The following VWA3A variants were observed in gnomAD, a reference collection of about 807,000 sequenced individuals.
The protein encoded by VWA3A is von Willebrand factor A domain-containing protein 3A.
In VWA3A, 134 loss-of-function variants were observed where a neutral mutation model predicts 160.4. That is an observed-to-expected ratio of 0.84 (90% CI 0.73 to 0.96). The LOEUF is 0.96. Among genes scored for constraint, VWA3A ranks in the 40% least tolerant of loss-of-function variants. VWA3A has a pLI of 0.00. For synonymous variants in VWA3A, 476 were observed against 543.4 expected (o/e 0.88, Z 1.72); for missense variants, 1,310 against 1,447.9 (o/e 0.90, Z 1.55).
chr16:22,142,846 G>T (rs1240832394), intron 25 of VWA3A, 81 bp downstream of exon 25: 26 of 1,097,242 alleles, frequency 2.4e-5, no homozygotes, highest in African/African-American at 3.1e-5. Context: ...TAGGATGGGG[G>T]GGCATAATCA....
At chr16:22,139,782 C>G (rs1454050203) in intron 22 of VWA3A, among the ~76,000 whole-genome samples, 1 of 152,134 alleles carries the variant, frequency 6.6e-6, no homozygotes, top group Non-Finnish European at 1.5e-5. Context: ...GCTGGAGGCC[C>G]AGACATCCCA....
At position 22,131,540 on chromosome 16, in the gene VWA3A, G is replaced by C. The variant is rs201944236; in HGVS notation, c.1728-45G>C. 363 of 1,601,710 alleles carry C rather than the reference G, an allele frequency of 2.3e-4. 5 individuals carry two copies. In the Middle Eastern group the frequency reaches 8.0e-3, roughly 35 times the overall value. On this transcript the variant is annotated intron_variant, in intron 18 of 33. Transcript: ENST00000389398. ...AGCTACTCCCAAAAGGTATGCCCTG[G>C]GCATGGGCCAATGACCCTCAGCATG...
chr16:22,124,632 G>A (rs549445572), intron 16 of VWA3A, among the ~76,000 whole-genome samples: 19 of 150,768 alleles, frequency 1.3e-4, no homozygotes, highest in African/African-American at 1.7e-4. Flanking sequence ...GGCCTCAAGC[G>A]ATTCTGCTGC....
rs1314794514 is a variant in VWA3A at position 22,142,649 on chromosome 16, C to T, written c.2495-19C>T. The T allele has an allele frequency of 4.5e-6, 7 of 1,543,864 alleles. No homozygotes were observed. The highest frequency in any genetic ancestry group is 6.1e-6 in the Non-Finnish European group (7 of 1,138,776). ...CAACCATCCAAACTATAGCAATGAC[C>T]TCACTCTGCTTCTTCTAGGCTCAGT... On this transcript the variant is annotated intron_variant, in intron 24 of 33. Transcript: ENST00000389398.
At chr16:22,115,896 A>G (rs1292492002) in intron 9 of VWA3A, among the ~76,000 whole-genome samples, 1 of 35,106 alleles carries the variant, frequency 2.8e-5, no homozygotes, top group Non-Finnish European at 4.2e-5. Context: ...GAAGGAAGGA[A>G]GGAAGGAAGG....
chr16:22,099,582 A>C (rs937826230), intron 3 of VWA3A, among the ~76,000 whole-genome samples: 1 of 152,240 alleles, frequency 6.6e-6, no homozygotes, highest in Non-Finnish European at 1.5e-5. Context: ...CTATCTAAGT[A>C]TTTGCAGTAA....
At chr16:22,152,691 A>G (rs1779787712) in intron 31 of VWA3A, 57 bp downstream of exon 31, 4 of 1,553,830 alleles carry the variant, frequency 2.6e-6, no homozygotes, top group Admixed American at 1.9e-5. Flanking sequence ...TAAAATATCA[A>G]CAGGCATGGG....
At chr16:22,113,468 G>A (rs937623062) in intron 8 of VWA3A, among the ~76,000 whole-genome samples, 7 of 138,120 alleles carry the variant, frequency 5.1e-5, no homozygotes, top group East Asian at 2.2e-4. Context: ...CAAGTGATCC[G>A]CCCTCCTTGG....
chr16:22,124,494 C>T (rs918270080), intron 16 of VWA3A, among the ~76,000 whole-genome samples: 1 of 149,356 alleles, frequency 6.7e-6, no homozygotes, highest in Admixed American at 6.7e-5. Flanking sequence ...GATGAATTAA[C>T]ATTTACAAAG....
chr16:22,115,986 GA>G (rs1189202949), intron 9 of VWA3A, among the ~76,000 whole-genome samples: 10 of 143,144 alleles, frequency 7.0e-5, no homozygotes, highest in African/African-American at 1.6e-4. Flanking sequence ...GAGAGAGAGA[GA>G]GAGGAGAGAG....
intron 11 of VWA3A, among the ~76,000 whole-genome samples, chr16:22,118,267 C>G (rs374912256): frequency 2.6e-5 from 4 of 152,098 alleles, no homozygotes; most frequent in African/African-American, 9.7e-5. Flanking sequence ...AGTGACAGAG[C>G]AAGACCCTTT....
intron 17 of VWA3A, among the ~76,000 whole-genome samples, chr16:22,126,887 GTATA>G (rs767006057): frequency 1.3e-5 from 2 of 150,310 alleles, no homozygotes; most frequent in African/African-American, 4.9e-5. Flanking sequence ...TTAATTATGT[GTATA>G]TATATATAAA....
At chr16:22,121,266 C>A (rs2045729945) in intron 13 of VWA3A, among the ~76,000 whole-genome samples, 163 bp downstream of exon 13, 3 of 152,084 alleles carry the variant, frequency 2.0e-5, no homozygotes, top group African/African-American at 7.2e-5. Context: ...GGCAACATAG[C>A]AAGACCCCAT....
In VWA3A at chr16:22,117,204, C is replaced by T. The variant is rs776012851; in HGVS notation, c.990+28C>T. ...AAGCCCTTCTGTCAACACATGGCCCCTCTTCTTCTCTCCTTGTCTGCCTCC... is the reference window on the plus strand; with the variant it reads ...AAGCCCTTCTGTCAACACATGGCCCTTCTTCTTCTCTCCTTGTCTGCCTCC... On this transcript the variant is annotated intron_variant, in intron 11 of 33. Transcript: ENST00000389398. The T allele has an allele frequency of 1.9e-6, 3 of 1,561,674 alleles. No individual in the cohort carries two copies. In the South Asian group the frequency reaches 3.5e-5, roughly 18 times the overall value.
At position 22,131,748 on chromosome 16, in the gene VWA3A, G is replaced by C; in HGVS notation, c.1872+19G>C. On this transcript the variant is annotated intron_variant, in intron 19 of 33. Coordinates refer to ENST00000389398, the MANE Select transcript of VWA3A (RefSeq NM_173615.5). ...GGACATGGTGGGTAGGCCACGTCCT[G>C]GGTGTCCATTATCCTTTGCGACCTC... 6.2e-7 allele frequency: 1 copy of C among 1,608,510 alleles called. No individual in the cohort carries two copies. Among genetic ancestry groups the C allele is most frequent in the Admixed American group, 1.7e-5 (1 of 59,372 alleles).
chr16:22,093,202 C>T (rs1436017649), intron 1 of VWA3A, among the ~76,000 whole-genome samples: 2 of 152,074 alleles, frequency 1.3e-5, no homozygotes, highest in Non-Finnish European at 2.9e-5. Flanking sequence ...TACTAAGTCC[C>T]GGCCCAAATG....
intron 8 of VWA3A, among the ~76,000 whole-genome samples, chr16:22,113,609 G>A (rs780967987): frequency 2.0e-5 from 3 of 147,598 alleles, no homozygotes; most frequent in Non-Finnish European, 4.5e-5. Context: ...GTTGTTTTTT[G>A]TTTTTTTGAG....
At chr16:22,141,504 T>G in intron 23 of VWA3A, 78 bp from the exon 24 acceptor site, 1 of 1,351,752 alleles carries the variant, frequency 7.4e-7, no homozygotes, top group Non-Finnish European at 1.0e-6. Flanking sequence ...TGAACTTGAG[T>G]GTCTCTAAGC....
At chr16:22,128,549 C>T (rs897368373) in intron 17 of VWA3A, among the ~76,000 whole-genome samples, 1 of 152,170 alleles carries the variant, frequency 6.6e-6, no homozygotes, top group African/African-American at 2.4e-5. Context: ...AAAAACAGAA[C>T]TACCATTCAA....
Sources: allele counts gnomAD v4.1 joint callset (sites outside exome capture counted in the v4.1 genomes callset), GRCh38; gene constraint gnomAD v4.1.1; transcripts MANE v1.5; gene names NCBI Gene and HGNC (gene_info 2026-07-23, HGNC 2026-07-21).